TJP1: variants seen among roughly 807,000 people sequenced by gnomAD.
TJP1 encodes the protein tight junction protein ZO-1.
TJP1 carries 43 observed loss-of-function variants against 194.2 expected under a neutral mutation model. The observed-to-expected ratio is 0.22, with a 90% confidence interval of 0.17 to 0.29. The LOEUF is 0.29. Among genes scored for constraint, TJP1 ranks in the 10% least tolerant of loss-of-function variants. The pLI is 1.00. For missense variants in TJP1, 1,971 were observed against 2,185.7 expected, an observed-to-expected ratio of 0.90 and a Z score of 1.96; for synonymous variants, 801 against 779.0, an observed-to-expected ratio of 1.03 and a Z score of -0.47.
At chr15:29,817,177 T>G (rs1186249247) in intron 1 of TJP1, among the ~76,000 whole-genome samples, 2 of 152,162 alleles carry the variant, frequency 1.3e-5, no homozygotes, top group African/African-American at 4.8e-5. Flanking sequence ...AAAGAAGACA[T>G]TTATGCTGCC....
chr15:29,949,666 A>ACCTCCACC (rs2055546395), intron 2 of TJP1, among the ~76,000 whole-genome samples: 2 of 18,610 alleles, frequency 1.1e-4, no homozygotes, highest in African/African-American at 3.9e-4. Context: ...CCACCTCCAC[A>ACCTCCACC]ACCACCACCT....
At chr15:29,702,913 C>G (rs1198350780) in intron 27 of TJP1, among the ~76,000 whole-genome samples, 6 of 136,282 alleles carry the variant, frequency 4.4e-5, no homozygotes, top group African/African-American at 1.6e-4. Context: ...GACTTTAAAT[C>G]AGGTTCGCTT....
chr15:29,720,849 CAAG>C (rs1404854018), intron 18 of TJP1, 141 bp from the exon 19 acceptor site: 1 of 683,668 alleles, frequency 1.5e-6, no homozygotes, highest in Non-Finnish European at 2.4e-6. Context: ...AAGGAAAAGT[CAAG>C]AAGATTGTAC....
intron 2 of TJP1, among the ~76,000 whole-genome samples, chr15:29,835,730 C>T (rs2051003996): frequency 6.6e-6 from 1 of 152,088 alleles, no homozygotes. Flanking sequence ...GTGATAAACA[C>T]CCAAAAGATT....
At chr15:29,895,954 C>T (rs1011053744) in intron 2 of TJP1, among the ~76,000 whole-genome samples, 14 of 152,334 alleles carry the variant, frequency 9.2e-5, no homozygotes, top group Admixed American at 3.3e-4. Flanking sequence ...CCGCCTTCTT[C>T]TGTCCTCACG....
intron 12 of TJP1, 25 bp from the exon 13 acceptor site, chr15:29,733,338 T>C (rs1243589995): frequency 6.8e-7 from 1 of 1,471,642 alleles, no homozygotes; most frequent in Admixed American, 1.8e-5. Flanking sequence ...AACAAACACA[T>C]TATCAATATT....
intron 9 of TJP1, among the ~76,000 whole-genome samples, 155 bp downstream of exon 9, chr15:29,742,487 C>G (rs1314358195): frequency 6.6e-6 from 1 of 152,152 alleles, no homozygotes; most frequent in Non-Finnish European, 1.5e-5. Context: ...TTTGTGCCAA[C>G]CTGCTACCCA....
At chr15:29,936,921 T>C (rs1280370477) in intron 2 of TJP1, among the ~76,000 whole-genome samples, 1 of 152,162 alleles carries the variant, frequency 6.6e-6, no homozygotes, top group Non-Finnish European at 1.5e-5. Flanking sequence ...GGATCCCTTG[T>C]TTCTTGTTTC....
chr15:29,855,655 A>T (rs1341818825), intron 2 of TJP1, among the ~76,000 whole-genome samples: 1 of 152,170 alleles, frequency 6.6e-6, no homozygotes, highest in Admixed American at 6.5e-5. Flanking sequence ...CAGGAGTTCA[A>T]GACCAGCCTG....
intron 8 of TJP1, among the ~76,000 whole-genome samples, chr15:29,743,531 G>A (rs1365916054): frequency 6.6e-6 from 1 of 152,106 alleles, no homozygotes; most frequent in Non-Finnish European, 1.5e-5. Context: ...TTTGAGACCA[G>A]CTGGGCAACA....
chr15:29,950,195 A>T (rs12442781), intron 2 of TJP1, among the ~76,000 whole-genome samples: 9,803 of 95,512 alleles, frequency 0.1, 1,339 homozygotes, highest in East Asian at 0.26. Context: ...CACCACCACC[A>T]CCACTTCCAT....
intron 8 of TJP1, among the ~76,000 whole-genome samples, chr15:29,749,540 A>G (rs1156759494): frequency 6.6e-6 from 1 of 152,132 alleles, no homozygotes; most frequent in Non-Finnish European, 1.5e-5. Context: ...TCCCCTCAGC[A>G]TGCTCCTGCA....
At chr15:29,968,315 C>G (rs2056400384) in intron 1 of TJP1, 2 of 984,802 alleles carry the variant, frequency 2.0e-6, no homozygotes, top group Non-Finnish European at 2.4e-6. Context: ...GCTGGAAATT[C>G]TGAGCCAGAA....
In TJP1 at chr15:29,705,421, T is replaced by C. The variant is rs1298706737; in HGVS notation, c.5068+107A>G. The stretch of plus-strand genomic sequence containing the variant: ...GGCACCCCTCGCTACAGCACTCATC[T>C]GGAGATAGAGAGGTGCTGCATTATT... On this transcript the variant is annotated intron_variant, in intron 26 of 27. Transcript: ENST00000614355. 33 of 1,183,304 alleles carry C rather than the reference T, an allele frequency of 2.8e-5. 1 individual carries two copies. The Admixed American group carries it at 4.8e-4, about 17-fold the overall frequency. The allele number at this position is 1,183,304 out of a possible 1,614,324, so 73.3% of individuals were successfully genotyped here.
At chr15:29,956,017 T>G (rs2055927815) in intron 2 of TJP1, among the ~76,000 whole-genome samples, 1 of 152,162 alleles carries the variant, frequency 6.6e-6, no homozygotes, top group Non-Finnish European at 1.5e-5. Context: ...ATCTTCATAT[T>G]TGGATCAGAA....
intron 17 of TJP1, 83 bp downstream of exon 17, chr15:29,726,698 T>A: frequency 7.4e-7 from 1 of 1,346,264 alleles, no homozygotes; most frequent in Non-Finnish European, 1.0e-6. Flanking sequence ...TAAGTTTTAG[T>A]ATTTGAACAC....
At chr15:29,798,584 AGTGGTGGTGTTAGATGGTACAGAGAAT>A (rs2048570786) in intron 2 of TJP1, among the ~76,000 whole-genome samples, 1 of 152,198 alleles carries the variant, frequency 6.6e-6, no homozygotes, top group Non-Finnish European at 1.5e-5. Flanking sequence ...ATACACTGCC[AGTGGTGGTGTTAGATGGTACAGAGAAT>A]TTGACCATTT....
chr15:29,726,561 T>C (rs1443864487), intron 17 of TJP1, 82 bp from the exon 18 acceptor site: 1 of 1,343,560 alleles, frequency 7.4e-7, no homozygotes, highest in Non-Finnish European at 1.1e-6. Context: ...TACAGCTAAA[T>C]CGTCATTACT....
At chr15:29,725,761 T>C (rs2043202062) in intron 18 of TJP1, among the ~76,000 whole-genome samples, 2 of 152,216 alleles carry the variant, frequency 1.3e-5, no homozygotes, top group African/African-American at 4.8e-5. Flanking sequence ...GAAGGATCTA[T>C]TGCTTTGTTC....
Sources: allele counts gnomAD v4.1 joint callset (sites outside exome capture counted in the v4.1 genomes callset), GRCh38; gene constraint gnomAD v4.1.1; transcripts MANE v1.5; gene names NCBI Gene and HGNC (gene_info 2026-07-23, HGNC 2026-07-21).